Variants in ABCB11 observed in about 807,000 individuals in gnomAD.
The protein encoded by ABCB11 is ATP binding cassette subfamily B member 11.
ABCB11 carries 95 observed loss-of-function variants against 148.0 expected under a neutral mutation model. The ratio of observed to expected loss-of-function variants is 0.64; its 90% CI spans 0.54 to 0.76. ABCB11 has a LOEUF of 0.76. ABCB11 is among the 30% of genes least tolerant of loss of function. The pLI is 0.00. For missense variants in ABCB11, 1,523 were observed against 1,617.8 expected (o/e 0.94, Z 1.01); for synonymous variants, 591 against 555.4 (o/e 1.06, Z -0.90).
chr2:169,011,415 A>G (rs1041206383), intron 5 of ABCB11, among the ~76,000 whole-genome samples: 1 of 152,150 alleles, frequency 6.6e-6, no homozygotes, highest in Non-Finnish European at 1.5e-5. Context: ...CTTTTGTTGA[A>G]CTCAATCTCT....
intron 21 of ABCB11, among the ~76,000 whole-genome samples, chr2:168,943,442 CG>C (rs1469436253): frequency 6.6e-6 from 1 of 151,822 alleles, no homozygotes; most frequent in Non-Finnish European, 1.5e-5. Context: ...AGGGGAAAAA[CG>C]TAACTAGAGA....
chr2:168,932,210 C>A (rs1362685153), intron 24 of ABCB11, among the ~76,000 whole-genome samples, 167 bp downstream of exon 24: 1 of 152,062 alleles, frequency 6.6e-6, no homozygotes, highest in Non-Finnish European at 1.5e-5. Context: ...ACCCTGTGTC[C>A]ATGTGTTCTG....
At chr2:168,992,244 G>A (rs923115536) in intron 8 of ABCB11, among the ~76,000 whole-genome samples, 1 of 152,006 alleles carries the variant, frequency 6.6e-6, no homozygotes, top group Admixed American at 6.6e-5. Flanking sequence ...TTTATGAGAA[G>A]CTAGAAATGG....
chr2:169,012,761 AG>A (rs764965491), intron 5 of ABCB11, among the ~76,000 whole-genome samples: 6,376 of 149,472 alleles, frequency 0.043, 159 homozygotes, highest in African/African-American at 0.057. Flanking sequence ...AAAAGAAAAA[AG>A]AAAAAAACAA....
At chr2:168,961,630 C>G (rs1415559129) in intron 18 of ABCB11, among the ~76,000 whole-genome samples, 1 of 151,698 alleles carries the variant, frequency 6.6e-6, no homozygotes, top group Non-Finnish European at 1.5e-5. Context: ...TTCCCTAATC[C>G]TAAACTTAAT....
At chr2:169,016,417 T>A (rs1199040924) in intron 3 of ABCB11, among the ~76,000 whole-genome samples, 3 of 152,166 alleles carry the variant, frequency 2.0e-5, no homozygotes, top group Non-Finnish European at 2.9e-5. Flanking sequence ...AACAGAAATA[T>A]GCAATAATGA....
At chr2:169,009,326 C>T (rs568630830) in intron 5 of ABCB11, among the ~76,000 whole-genome samples, 2 of 152,014 alleles carry the variant, frequency 1.3e-5, no homozygotes, top group South Asian at 4.2e-4. Flanking sequence ...TTGGAACCAA[C>T]CCAAATGTCC....
At chr2:168,968,275 C>G (rs1345721773) in intron 17 of ABCB11, among the ~76,000 whole-genome samples, 152 bp downstream of exon 17, 1 of 151,836 alleles carries the variant, frequency 6.6e-6, no homozygotes, top group Admixed American at 6.6e-5. Flanking sequence ...ATATAGCAAC[C>G]AAGGATCACT....
At chr2:168,972,130 A>T (rs1574451314) in intron 13 of ABCB11, 80 bp from the exon 14 acceptor site, 2 of 1,330,070 alleles carry the variant, frequency 1.5e-6, no homozygotes, top group East Asian at 5.0e-5. Flanking sequence ...TACTTGACCA[A>T]TGGGCAGAAA....
intron 5 of ABCB11, among the ~76,000 whole-genome samples, chr2:169,009,395 G>T (rs1695113500): frequency 6.6e-6 from 1 of 151,976 alleles, no homozygotes; most frequent in Admixed American, 6.6e-5. Flanking sequence ...ATACTATGCA[G>T]CCATAAAAAA....
At chr2:168,925,930 A>G (rs533999562) in intron 26 of ABCB11, among the ~76,000 whole-genome samples, 1 of 152,302 alleles carries the variant, frequency 6.6e-6, no homozygotes, top group South Asian at 2.1e-4. Flanking sequence ...TTTGCTTTTG[A>G]TCTCTGGATT....
chr2:168,930,771 G>C lies in ABCB11; in HGVS notation c.3305C>G (p.Ser1102Trp), dbSNP rs762737233. ...DSQVLNGLSVSISPGQTLAFV... is the reference protein window; with the variant it reads ...DSQVLNGLSVWISPGQTLAFV... ...CGCCAGTGTCTGCCCTGGACTAATCGACACTGAGAGACCATTCAGAACTTG... is the reference window on the plus strand; with the variant it reads ...CGCCAGTGTCTGCCCTGGACTAATCCACACTGAGAGACCATTCAGAACTTG... Residue 1102 changes from serine to tryptophan, a missense_variant, in exon 25 of 28, where the codon TCG (serine) becomes TGG (tryptophan). Transcript: ENST00000650372. 3 of 1,613,554 alleles carry C rather than the reference G, an allele frequency of 1.9e-6. No individual in the cohort carries two copies. In the African/African-American group the frequency reaches 4.0e-5, roughly 22 times the overall value.
chr2:168,951,799 G>T (rs943581219), intron 19 of ABCB11, among the ~76,000 whole-genome samples: 1 of 151,502 alleles, frequency 6.6e-6, no homozygotes, highest in African/African-American at 2.4e-5. Flanking sequence ...AATAAGAGTG[G>T]TGAAAATTGG....
At chr2:168,949,671 C>G (rs1311699817) in intron 19 of ABCB11, among the ~76,000 whole-genome samples, 1 of 151,562 alleles carries the variant, frequency 6.6e-6, no homozygotes, top group Non-Finnish European at 1.5e-5. Flanking sequence ...GTGCAGGTAT[C>G]TTTTTGACAT....
chr2:168,997,196 A>G (rs4148779), intron 5 of ABCB11, among the ~76,000 whole-genome samples: 2 of 152,052 alleles, frequency 1.3e-5, no homozygotes, highest in Non-Finnish European at 2.9e-5. Context: ...GTAAATCAGG[A>G]GGCTTACTGT....
intron 19 of ABCB11, among the ~76,000 whole-genome samples, chr2:168,950,633 T>G (rs1692522025): frequency 6.6e-6 from 1 of 151,772 alleles, no homozygotes; most frequent in African/African-American, 2.4e-5. Flanking sequence ...ATGAAATTAT[T>G]TGGTTGTTGC....
At position 168,932,937 on chromosome 2, in the gene ABCB11, G is replaced by A. The variant is rs912007790; in HGVS notation, c.3057-404C>T. Among the ~76,000 whole-genome samples, 22 of 151,968 alleles carry A rather than the reference G, an allele frequency of 1.4e-4. No homozygotes were observed. The East Asian group carries it at 2.7e-3, about 19-fold the overall frequency. ...ATCCTGGCTAACACGGTGAAACCCC[G>A]TCTCTACTAAAAATACAAAAAATTA... On this transcript the variant is annotated intron_variant, in intron 23 of 27. Transcript: ENST00000650372.
chr2:168,927,346 T>C lies in ABCB11; in HGVS notation c.3428A>G (p.Asp1143Gly). The change falls in exon 26 of 28, where the codon GAC (aspartate) becomes GGC (glycine). Residue 1143 changes from aspartate (D) to glycine (G), a missense_variant. Coordinates refer to ENST00000650372, the MANE Select transcript of ABCB11 (RefSeq NM_003742.4). Reference protein sequence around the residue: ...DQGKVMIDGHDSKKVNVQFLR... With the variant: ...DQGKVMIDGHGSKKVNVQFLR... ...GAACTGGACATTTACTTTTTTGCTG[T>C]CATGACCATCTATCATCTGCCAATA... is the stretch of plus-strand genomic sequence containing the variant. The C allele has an allele frequency of 6.2e-7, 1 of 1,613,758 alleles. No individual in the cohort carries two copies. The highest frequency in any genetic ancestry group is 1.3e-5 in the African/African-American group (1 of 75,044).
intron 5 of ABCB11, among the ~76,000 whole-genome samples, chr2:169,003,734 A>G (rs1426999364): frequency 6.6e-6 from 1 of 152,060 alleles, no homozygotes; most frequent in Non-Finnish European, 1.5e-5. Context: ...TTCCCTTTTC[A>G]CCACATTCAT....
Sources: allele counts gnomAD v4.1 joint callset (sites outside exome capture counted in the v4.1 genomes callset), GRCh38; gene constraint gnomAD v4.1.1; transcripts MANE v1.5; gene names NCBI Gene and HGNC (gene_info 2026-07-23, HGNC 2026-07-21).